PLXDC2: variants seen among roughly 807,000 people sequenced by gnomAD.
PLXDC2 encodes the protein plexin domain containing 2.
In PLXDC2, 40 loss-of-function variants were observed where a neutral mutation model predicts 68.9. That is an observed-to-expected ratio of 0.58 (90% CI 0.45 to 0.76). The LOEUF (loss-of-function observed/expected upper bound fraction) is 0.76, where lower values mean the gene tolerates loss of function less well. Among genes scored for constraint, PLXDC2 ranks in the 30% least tolerant of loss-of-function variants. The probability of loss-of-function intolerance (pLI) is 0.00; values close to 1 mark genes in which losing one functional copy is unlikely to be tolerated. For missense variants in PLXDC2, 644 were observed against 661.9 expected (o/e 0.97, Z 0.30); for synonymous variants, 243 against 234.2 (o/e 1.04, Z -0.34).
chr10:20,276,383 T>G (rs576213839), intron 13 of PLXDC2, among the ~76,000 whole-genome samples: 6 of 152,266 alleles, frequency 3.9e-5, no homozygotes, highest in African/African-American at 1.2e-4. Flanking sequence ...GACCTTTGAG[T>G]CAGACCTGGA....
intron 1 of PLXDC2, among the ~76,000 whole-genome samples, chr10:19,834,300 C>T (rs1050782679): frequency 6.6e-6 from 1 of 150,996 alleles, no homozygotes; most frequent in Non-Finnish European, 1.5e-5. Context: ...AGATCAAGAA[C>T]AGCACAAAAT....
At chr10:19,955,787 G>T (rs1240228214) in intron 1 of PLXDC2, among the ~76,000 whole-genome samples, 7 of 152,074 alleles carry the variant, frequency 4.6e-5, no homozygotes, top group Non-Finnish European at 1.5e-5. Flanking sequence ...TTAAAATTTT[G>T]AAACATTCTT....
intron 12 of PLXDC2, among the ~76,000 whole-genome samples, chr10:20,223,150 G>T (rs1166875460): frequency 6.6e-6 from 1 of 152,018 alleles, no homozygotes; most frequent in Admixed American, 6.6e-5. Context: ...CCCTGACTTG[G>T]TCTATTATTA....
intron 13 of PLXDC2, among the ~76,000 whole-genome samples, chr10:20,261,808 C>T (rs1411790711): frequency 6.6e-6 from 1 of 152,060 alleles, no homozygotes; most frequent in African/African-American, 2.4e-5. Flanking sequence ...GAGCCAAGAT[C>T]GTGCCATTGT....
chr10:20,196,567 A>G (rs543475674), intron 9 of PLXDC2, among the ~76,000 whole-genome samples: 5 of 152,262 alleles, frequency 3.3e-5, no homozygotes, highest in South Asian at 2.1e-4. Flanking sequence ...AAGAATCTCA[A>G]ATAATAGCTT....
intron 12 of PLXDC2, among the ~76,000 whole-genome samples, chr10:20,242,866 A>T (rs2253500): frequency 1.3e-5 from 2 of 152,124 alleles, no homozygotes; most frequent in South Asian, 2.1e-4. Flanking sequence ...CCCGCCACCA[A>T]GCCTGGCTAA....
At chr10:20,146,352 C>G (rs1178630366) in intron 5 of PLXDC2, among the ~76,000 whole-genome samples, 1 of 151,356 alleles carries the variant, frequency 6.6e-6, no homozygotes, top group Non-Finnish European at 1.5e-5. Context: ...TTCCTTCTTT[C>G]TTTTCTTTTC....
At chr10:20,218,068 T>C (rs932063681) in intron 11 of PLXDC2, among the ~76,000 whole-genome samples, 5 of 152,184 alleles carry the variant, frequency 3.3e-5, no homozygotes, top group African/African-American at 9.6e-5. Context: ...AAACACTGTA[T>C]GTGTCATAGA....
chr10:20,092,046 A>T (rs1833283867), intron 4 of PLXDC2, among the ~76,000 whole-genome samples: 1 of 144,150 alleles, frequency 6.9e-6, no homozygotes, highest in Non-Finnish European at 1.6e-5. Context: ...AATATTTACT[A>T]AGCGAAACTT....
At chr10:20,117,763 A>T (rs1400397982) in intron 4 of PLXDC2, among the ~76,000 whole-genome samples, 2 of 152,192 alleles carry the variant, frequency 1.3e-5, no homozygotes, top group African/African-American at 4.8e-5. Flanking sequence ...CCTAAAATAG[A>T]GTTGATGAAT....
chr10:20,237,416 A>G (rs898092930), intron 12 of PLXDC2, among the ~76,000 whole-genome samples: 15 of 152,222 alleles, frequency 9.9e-5, no homozygotes, highest in African/African-American at 3.1e-4. Flanking sequence ...TACAAAAGAC[A>G]TAAAACACCC....
At chr10:20,235,283 C>T (rs1334651260) in intron 12 of PLXDC2, among the ~76,000 whole-genome samples, 2 of 152,142 alleles carry the variant, frequency 1.3e-5, no homozygotes, top group Non-Finnish European at 2.9e-5. Context: ...TTCAAGAAGT[C>T]CTCTCATTGC....
At chr10:19,990,048 A>G (rs1356198966) in intron 1 of PLXDC2, among the ~76,000 whole-genome samples, 1 of 151,920 alleles carries the variant, frequency 6.6e-6, no homozygotes. Context: ...GCACCTGGCC[A>G]GTGTTTTTAA....
rs1352202013 is a variant in PLXDC2 at position 19,816,979 on chromosome 10, G to T, written c.-101G>T. ...TACAAAGGCCTCCGGGTCCTACCGA[G>T]ACCGATCCGCAGCGTTTGGCCCGGT... On this transcript the variant is annotated 5_prime_UTR_variant, in exon 1 of 14. Coordinates refer to ENST00000377252, the MANE Select transcript of PLXDC2 (RefSeq NM_032812.9). 1 of 834,324 alleles carries T rather than the reference G, an allele frequency of 1.2e-6. No individual in the cohort carries two copies. Among genetic ancestry groups the T allele is most frequent in the East Asian group, 2.7e-5 (1 of 37,648 alleles). 51.7% of individuals were successfully genotyped at this position (834,324 alleles called of 1,614,324 possible).
In PLXDC2 at chr10:20,134,455, T is replaced by A. The variant is rs531298972; in HGVS notation, c.542-8840T>A. The stretch of plus-strand genomic sequence containing the variant: ...TGTTCAGGCTTACTTCTGGAGTTTT[T>A]GGGCAGGCTGGCTAGATAAGCATTT... On this transcript the variant is annotated intron_variant, in intron 4 of 13. Coordinates refer to ENST00000377252, the MANE Select transcript of PLXDC2 (RefSeq NM_032812.9). Among the ~76,000 whole-genome samples, 5 of 152,286 alleles carry A rather than the reference T, an allele frequency of 3.3e-5. No individual in the cohort carries two copies. In the East Asian group the frequency reaches 9.7e-4, roughly 29 times the overall value.
chr10:19,980,502 C>T (rs751643085), intron 1 of PLXDC2, among the ~76,000 whole-genome samples: 3 of 152,148 alleles, frequency 2.0e-5, no homozygotes, highest in Non-Finnish European at 1.5e-5. Context: ...GATCTGGATT[C>T]TGGTGAGGGA....
intron 13 of PLXDC2, among the ~76,000 whole-genome samples, chr10:20,273,732 C>T (rs1835969136): frequency 1.3e-5 from 2 of 152,126 alleles, no homozygotes; most frequent in African/African-American, 4.8e-5. Flanking sequence ...AGAAAGTTTG[C>T]ATGGCCAGGT....
intron 13 of PLXDC2, among the ~76,000 whole-genome samples, chr10:20,277,837 C>A (rs941216191): frequency 6.6e-6 from 1 of 152,138 alleles, no homozygotes; most frequent in African/African-American, 2.4e-5. Flanking sequence ...TCCTCCCAAC[C>A]CTGTCACTAC....
At chr10:20,078,324 A>T (rs2131717829) in intron 4 of PLXDC2, among the ~76,000 whole-genome samples, 2 of 152,308 alleles carry the variant, frequency 1.3e-5, no homozygotes, top group East Asian at 3.9e-4. Context: ...TCAAGGCTGT[A>T]GTTAGCTACG....
Sources: allele counts gnomAD v4.1 joint callset (sites outside exome capture counted in the v4.1 genomes callset), GRCh38; gene constraint gnomAD v4.1.1; transcripts MANE v1.5; gene names NCBI Gene and HGNC (gene_info 2026-07-23, HGNC 2026-07-21).